The following RIPOR3 variants were observed in gnomAD, a reference collection of about 807,000 sequenced individuals.
The protein encoded by RIPOR3 is RIPOR family member 3.
In RIPOR3, 95 loss-of-function variants were observed where a neutral mutation model predicts 114.3. The ratio of observed to expected loss-of-function variants is 0.83; its 90% confidence interval spans 0.70 to 0.99. RIPOR3 has a LOEUF of 0.99. Ranked by LOEUF, RIPOR3 falls within the 50% of genes least tolerant of loss-of-function variation. The pLI is 0.00. For synonymous variants in RIPOR3, 575 were observed against 543.8 expected, an observed-to-expected ratio of 1.06 and a Z score of -0.80; for missense variants, 1,252 against 1,266.9, an observed-to-expected ratio of 0.99 and a Z score of 0.18.
intron 1 of RIPOR3, among the ~76,000 whole-genome samples, chr20:50,633,992 T>C (rs529149648): frequency 6.7e-6 from 1 of 149,704 alleles, no homozygotes; most frequent in East Asian, 1.9e-4. Flanking sequence ...TTTTTTTTTT[T>C]TTTTTTTTAG....
At position 50,620,035 on chromosome 20, in the gene RIPOR3, T is replaced by C. The variant is rs1247502540; in HGVS notation, c.220A>G (p.Lys74Glu). 3.1e-6 allele frequency: 5 copies of C among 1,613,632 alleles called. No individual in the cohort carries two copies. The highest frequency in any genetic ancestry group is 4.2e-6 in the Non-Finnish European group (5 of 1,179,578). The change falls in exon 3 of 22, where the codon AAG becomes GAG. Residue 74 changes from lysine (K) to glutamate (E), a missense_variant. Physicochemically the swap from Lys to Glu is moderately conservative, Grantham distance 56 (BLOSUM62 1). Transcript: ENST00000327979. ...LRKGSVCADP[K>E]PQQVKKIFEA... The stretch of plus-strand genomic sequence containing the variant: ...AAGATCTTCTTCACCTGCTGGGGCT[T>C]CGGGTCTGCACAGACCGACCCCTTC...
chr20:50,664,551 G>A (rs1489369211), intron 1 of RIPOR3, among the ~76,000 whole-genome samples: 1 of 152,216 alleles, frequency 6.6e-6, no homozygotes, highest in Non-Finnish European at 1.5e-5. Flanking sequence ...GGGAAAGGGG[G>A]CTGGCTGAGT....
intron 1 of RIPOR3, among the ~76,000 whole-genome samples, chr20:50,689,028 A>G (rs2087119975): frequency 6.6e-6 from 1 of 152,146 alleles, no homozygotes; most frequent in Non-Finnish European, 1.5e-5. Context: ...GCAGGGCCAT[A>G]GGGTTGTTAC....
intron 1 of RIPOR3, among the ~76,000 whole-genome samples, chr20:50,675,876 A>G (rs1324467049): frequency 6.6e-6 from 1 of 152,204 alleles, no homozygotes; most frequent in African/African-American, 2.4e-5. Flanking sequence ...CGAACGGCAG[A>G]CGGGGCAGGA....
chr20:50,611,002 G>T, intron 5 of RIPOR3, 96 bp from the exon 6 acceptor site: 1 of 579,524 alleles, frequency 1.7e-6, no homozygotes. Context: ...CTAACTCAGA[G>T]AATGGGGCCC....
rs563481100 is a variant in RIPOR3 at position 50,647,584 on chromosome 20, G to A, written c.4-16728C>T. Among the ~76,000 whole-genome samples, 515 of 144,352 alleles carry A rather than the reference G, an allele frequency of 3.6e-3. 5 individuals are homozygous for A. Among genetic ancestry groups the A allele is most frequent in the African/African-American group, 0.012 (481 of 39,188 alleles). The allele number at this position is 144,352 out of a possible 152,430, so 94.7% of individuals were successfully genotyped here. On this transcript the variant is annotated intron_variant, in intron 1 of 21. Coordinates refer to ENST00000327979, the MANE Select transcript of RIPOR3 (RefSeq NM_001290268.2). ...TGCAAGCTCCGCCTCCCGGGTTCACGCCATTCTCCTGCCTCAGCCTCCCAA... is the reference window on the plus strand; with the variant it reads ...TGCAAGCTCCGCCTCCCGGGTTCACACCATTCTCCTGCCTCAGCCTCCCAA...
At position 50,597,629 on chromosome 20, in the gene RIPOR3, C is replaced by A; in HGVS notation, c.1741G>T (p.Asp581Tyr). 2 of 1,611,964 alleles carry A rather than the reference C, an allele frequency of 1.2e-6. No individual in the cohort carries two copies. Among genetic ancestry groups the A allele is most frequent in the Non-Finnish European group, 1.7e-6 (2 of 1,179,018 alleles). Reference protein sequence around the residue: ...ILESFAFLNADFALDELSLFG... With the variant: ...ILESFAFLNAYFALDELSLFG... ...AGGGACAGCTCATCCAGGGCGAAGTCGGCATTGAGGAAGGCGAAGCTCTCC... is the reference window on the plus strand; with the variant it reads ...AGGGACAGCTCATCCAGGGCGAAGTAGGCATTGAGGAAGGCGAAGCTCTCC... Residue 581 changes from aspartate to tyrosine, a missense_variant, in exon 14 of 22, where the codon GAC becomes TAC. Asp to Tyr is a radical substitution (Grantham distance 160). Coordinates refer to ENST00000327979, the MANE Select transcript of RIPOR3 (RefSeq NM_001290268.2).
intron 1 of RIPOR3, among the ~76,000 whole-genome samples, chr20:50,663,734 C>A (rs1290439542): frequency 2.0e-5 from 3 of 152,150 alleles, no homozygotes; most frequent in Non-Finnish European, 4.4e-5. Flanking sequence ...TATTTACTCT[C>A]TACTTTCTGG....
At chr20:50,666,344 C>T (rs2086246786) in intron 1 of RIPOR3, among the ~76,000 whole-genome samples, 1 of 150,672 alleles carries the variant, frequency 6.6e-6, no homozygotes, top group Admixed American at 6.7e-5. Context: ...CCTGCTTCAG[C>T]CTCCCAAGTA....
At chr20:50,614,603 G>A (rs2084095417) in intron 4 of RIPOR3, 2 of 170,392 alleles carry the variant, frequency 1.2e-5, no homozygotes, top group Admixed American at 1.3e-4. Flanking sequence ...TGAAGTCCCT[G>A]AGCAATGGGA....
Position 50,602,392 on chromosome 20 carries a change from G to A in RIPOR3, c.1339C>T (p.Arg447Trp), listed in dbSNP as rs1199554662. The A allele has an allele frequency of 6.8e-6, 11 of 1,612,056 alleles. No homozygotes were observed. Among genetic ancestry groups the A allele is most frequent in the East Asian group, 4.5e-5 (2 of 44,852 alleles). ...GPHASIEEEA[R>W]EDPLPPGLLP... ...AGACCTGGGGGCAGGGGGTCCTCCCGAGCCTCCTCTTCAATGGAGGCGTGG... is the reference window on the plus strand; with the variant it reads ...AGACCTGGGGGCAGGGGGTCCTCCCAAGCCTCCTCTTCAATGGAGGCGTGG... The change falls in exon 13 of 22, where the codon CGG becomes TGG. Residue 447 changes from arginine (R) to tryptophan (W), a missense_variant. By Grantham distance (101) the Arg-to-Trp change is moderately radical. Coordinates refer to ENST00000327979, the MANE Select transcript of RIPOR3 (RefSeq NM_001290268.2). This position sits in a 1 kb window ranked among gnomAD's most constrained non-coding sequence, Gnocchi z 4.3.
At chr20:50,669,886 G>C (rs1360831209) in intron 1 of RIPOR3, among the ~76,000 whole-genome samples, 1 of 151,646 alleles carries the variant, frequency 6.6e-6, no homozygotes, top group Non-Finnish European at 1.5e-5. Context: ...GCTGGGCGCA[G>C]TGGCTCATGC....
intron 21 of RIPOR3, 139 bp from the exon 22 acceptor site, chr20:50,587,471 G>A (rs1024249831): frequency 1.3e-5 from 9 of 704,814 alleles, no homozygotes; most frequent in African/African-American, 1.8e-5. Flanking sequence ...GAGTATGTGC[G>A]GGAGCCCCCA....
chr20:50,616,117 G>A (rs1407118110), intron 3 of RIPOR3, 37 bp from the exon 4 acceptor site: 1 of 1,592,006 alleles, frequency 6.3e-7, no homozygotes, highest in Non-Finnish European at 8.6e-7. Flanking sequence ...AAATGGAAGA[G>A]GAAGAAGAAA....
intron 1 of RIPOR3, among the ~76,000 whole-genome samples, chr20:50,642,891 A>C (rs891698713): frequency 3.3e-5 from 5 of 152,082 alleles, no homozygotes; most frequent in Admixed American, 6.5e-5. Context: ...TCTACTAAAA[A>C]TACAAAATTA....
chr20:50,626,373 T>A (rs1328816402), intron 2 of RIPOR3, among the ~76,000 whole-genome samples: 1 of 152,218 alleles, frequency 6.6e-6, no homozygotes, highest in Non-Finnish European at 1.5e-5. Flanking sequence ...AGGAGGGGTC[T>A]GAGATATTAG....
At chr20:50,640,347 CGAGACCTGCCT>C (rs2085144041) in intron 1 of RIPOR3, among the ~76,000 whole-genome samples, 1 of 151,090 alleles carries the variant, frequency 6.6e-6, no homozygotes, top group Admixed American at 6.6e-5. Flanking sequence ...AGAGCAGAGC[CGAGACCTGCCT>C]GAGACCTGCC....
At chr20:50,647,938 A>G (rs2085471147) in intron 1 of RIPOR3, among the ~76,000 whole-genome samples, 1 of 152,122 alleles carries the variant, frequency 6.6e-6, no homozygotes, top group Non-Finnish European at 1.5e-5. Flanking sequence ...AACACAAAAT[A>G]TAATTTATAG....
At chr20:50,623,150 A>T (rs2084483098) in intron 2 of RIPOR3, among the ~76,000 whole-genome samples, 1 of 151,364 alleles carries the variant, frequency 6.6e-6, no homozygotes, top group African/African-American at 2.4e-5. Flanking sequence ...AATCCCAGCT[A>T]CTCGGGAGGC....
Sources: allele counts gnomAD v4.1 joint callset (sites outside exome capture counted in the v4.1 genomes callset), GRCh38; gene constraint gnomAD v4.1.1; non-coding constraint Gnocchi (gnomAD v3.1); transcripts MANE v1.5; gene names NCBI Gene and HGNC (gene_info 2026-07-23, HGNC 2026-07-21).